The following UMODL1 variants were observed in gnomAD, a reference collection of about 807,000 sequenced individuals.
The protein encoded by UMODL1 is uromodulin like 1, also known as uromodulin-like 1.
Under a neutral mutation model 136.3 loss-of-function variants are expected in UMODL1, and 128 were observed. The observed-to-expected ratio is 0.94, with a 90% CI of 0.81 to 1.09. The LOEUF (loss-of-function observed/expected upper bound fraction) is 1.09. Ranked by LOEUF, UMODL1 falls within the 50% of genes least tolerant of loss-of-function variation. UMODL1 has a pLI of 0.00. For synonymous variants in UMODL1, 721 were observed against 720.0 expected, an observed-to-expected ratio of 1.00 and a Z score of -0.02; for missense variants, 1,766 against 1,725.6, an observed-to-expected ratio of 1.02 and a Z score of -0.41.
At chr21:42,093,394 T>G (rs1006796254) in intron 6 of UMODL1, 6 of 152,714 alleles carry the variant, frequency 3.9e-5, no homozygotes, top group African/African-American at 1.4e-4. Flanking sequence ...ATTTTTAAAT[T>G]TTTTTGTAGA....
chr21:42,072,825 G>A (rs1395921861), intron 1 of UMODL1, among the ~76,000 whole-genome samples: 1 of 152,206 alleles, frequency 6.6e-6, no homozygotes, highest in African/African-American at 2.4e-5. Context: ...CTCTGAGACC[G>A]GAATCCAAGA....
Position 42,123,252 on chromosome 21 carries a change from G to A in UMODL1, c.3147+102G>A, listed in dbSNP as rs962539071. ...AGGGCCAGGCAAGACTCTGCACCCC[G>A]AGGGGAACCCAGCAAGGGGGGTTCA... On this transcript the variant is annotated intron_variant, in intron 17 of 22. Transcript: ENST00000408910. This position sits in a 1 kb window ranked among gnomAD's most constrained non-coding sequence, Gnocchi z 4.4. 5.2e-6 allele frequency: 7 copies of A among 1,349,876 alleles called. No individual in the cohort carries two copies. The highest frequency in any genetic ancestry group is 1.5e-5 in the African/African-American group (1 of 68,658). The allele number at this position is 1,349,876 out of a possible 1,614,324, so 83.6% of individuals were successfully genotyped here.
At chr21:42,125,416 A>G (rs1235516808) in intron 17 of UMODL1, among the ~76,000 whole-genome samples, 2 of 152,094 alleles carry the variant, frequency 1.3e-5, no homozygotes, top group African/African-American at 4.8e-5. Flanking sequence ...CTTGCCTGGG[A>G]GGCACAGCTC....
At chr21:42,088,833 C>T (rs1188194938) in intron 5 of UMODL1, among the ~76,000 whole-genome samples, 2 of 152,124 alleles carry the variant, frequency 1.3e-5, no homozygotes, top group Non-Finnish European at 2.9e-5. Flanking sequence ...ATCCCAGAGC[C>T]ACACACAAAG....
rs577060706 is a variant in UMODL1 at position 42,085,166 on chromosome 21, G to C, written c.482-125G>C. ...TGTGGTAGATGTCTTTTTGCAGGGA[G>C]GTAAATGCAGAGCAGGGCCTCTCAT... is the stretch of plus-strand genomic sequence containing the variant. On this transcript the variant is annotated intron_variant, in intron 3 of 22. Coordinates refer to ENST00000408910, the MANE Select transcript of UMODL1 (RefSeq NM_001004416.3). This position sits in a 1 kb window ranked among gnomAD's most constrained non-coding sequence, Gnocchi z 4.5. 3 of 1,238,758 alleles carry C rather than the reference G, an allele frequency of 2.4e-6. No homozygotes were observed. In the East Asian group the frequency reaches 7.3e-5, roughly 30 times the overall value. The allele number at this position is 1,238,758 out of a possible 1,614,324, so 76.7% of individuals were successfully genotyped here.
At chr21:42,090,750 C>G (rs1343161980) in intron 6 of UMODL1, among the ~76,000 whole-genome samples, 1 of 152,220 alleles carries the variant, frequency 6.6e-6, no homozygotes, top group Admixed American at 6.5e-5. Context: ...TGTTCTCGAA[C>G]AAGTTGTTGG....
chr21:42,068,724 A>T (rs1345517003), upstream of UMODL1, among the ~76,000 whole-genome samples: 3 of 151,474 alleles, frequency 2.0e-5, no homozygotes, highest in Admixed American at 2.0e-4. The surrounding 1 kb of genome is among the most constrained non-coding windows in gnomAD (Gnocchi z 5.5). Context: ...GATGTGGCAT[A>T]TGAGTTTGTG....
chr21:42,131,413 T>A (rs1380082767), intron 21 of UMODL1, among the ~76,000 whole-genome samples: 1 of 118,438 alleles, frequency 8.4e-6, no homozygotes, highest in East Asian at 2.4e-4. Context: ...AGGAGGGAGG[T>A]CTCGGCCATG....
At chr21:42,120,170 C>G (rs980825568) in intron 15 of UMODL1, among the ~76,000 whole-genome samples, 2 of 152,220 alleles carry the variant, frequency 1.3e-5, no homozygotes, top group Non-Finnish European at 2.9e-5. Flanking sequence ...AACAAAAGGT[C>G]TCTTTACTGC....
chr21:42,102,117 AGT>A, intron 7 of UMODL1, 47 bp from the exon 8 acceptor site: 2 of 1,399,090 alleles, frequency 1.4e-6, no homozygotes, highest in South Asian at 2.4e-5. Context: ...TTAACAGACA[AGT>A]GTGTGACTTT....
At chr21:42,111,409 CG>C in intron 11 of UMODL1, 96 bp from the exon 12 acceptor site, 1 of 1,613,426 alleles carries the variant, frequency 6.2e-7, no homozygotes, top group Non-Finnish European at 8.5e-7. Flanking sequence ...GGAACACTAT[CG>C]GGGTGATAGG....
rs143925405 is a variant in UMODL1, at chr21:42,140,507, G to T, written c.*22-1589G>T. On this transcript the variant is annotated intron_variant, in intron 22 of 22. Transcript: ENST00000408910. ...GGATTTCCGTTTGGCTCTGGGGTCA[G>T]CTCTCTTAGCTACCAAGCTTAGAGC... is the stretch of plus-strand genomic sequence containing the variant. Among the ~76,000 whole-genome samples, 93 of 149,318 alleles carry T rather than the reference G, an allele frequency of 6.2e-4. 1 individual carries two copies. The East Asian group carries it at 0.015, about 25-fold the overall frequency.
In UMODL1 at chr21:42,065,542, C is replaced by CTT. The variant is rs56298825; in HGVS notation, c.-141+2340_-141+2341dup. Among the ~76,000 whole-genome samples, 63 of 143,424 alleles carry CTT rather than the reference C, an allele frequency of 4.4e-4. No homozygotes were observed. In the East Asian group the frequency reaches 8.8e-3, roughly 20 times the overall value. 94.1% of individuals were successfully genotyped at this position (143,424 alleles called of 152,430 possible). On this transcript the variant is annotated intron_variant, in intron 1 of 22. Transcript: ENST00000400424. ...GCACCAGATCTCTTTCTTTTTTTTT[C>CTT]TTTTTTTTTTTTTGAGGCGGAGTCT...
intron 1 of UMODL1, among the ~76,000 whole-genome samples, chr21:42,074,970 T>C (rs551389155): frequency 5.3e-5 from 8 of 151,148 alleles, no homozygotes; most frequent in East Asian, 3.9e-4. Flanking sequence ...GGCGCAATCT[T>C]GGCTCACTGC....
chr21:42,108,628 G>A (rs575964807), intron 9 of UMODL1: 14 of 339,400 alleles, frequency 4.1e-5, no homozygotes, highest in Middle Eastern at 1.1e-3. Flanking sequence ...TCCACCCGCA[G>A]CTCTACAGAA....
At chr21:42,136,265 G>C (rs141190431) in intron 21 of UMODL1, among the ~76,000 whole-genome samples, 1 of 152,154 alleles carries the variant, frequency 6.6e-6, no homozygotes, top group East Asian at 1.9e-4. Context: ...ACGACTCAGT[G>C]GTGTTTAGTA....
At chr21:42,093,579 T>C in intron 6 of UMODL1, 1 of 226,866 alleles carries the variant, frequency 4.4e-6, no homozygotes, top group Non-Finnish European at 8.9e-6. Context: ...AGTGGACCAG[T>C]TCCCAGAGCC....
rs1357349145 is a variant in UMODL1 at position 42,119,822 on chromosome 21, A to T, written c.2689+498A>T. On this transcript the variant is annotated intron_variant, in intron 15 of 22. Coordinates refer to ENST00000408910, the MANE Select transcript of UMODL1 (RefSeq NM_001004416.3). Reference sequence around the variant, plus strand: ...TTTTTAAAAATTGGAGATTCATATTAATTTTTTGATTTTTAGAATAAGAAG... The same window carrying T: ...TTTTTAAAAATTGGAGATTCATATTTATTTTTTGATTTTTAGAATAAGAAG... Among the ~76,000 whole-genome samples the T allele has an allele frequency of 7.9e-5, 12 of 152,216 alleles. No individual in the cohort carries two copies. In the East Asian group the frequency reaches 2.3e-3, roughly 29 times the overall value.
At chr21:42,105,934 G>A (rs2066709860) in intron 9 of UMODL1, among the ~76,000 whole-genome samples, 1 of 152,204 alleles carries the variant, frequency 6.6e-6, no homozygotes, top group Non-Finnish European at 1.5e-5. Context: ...CACTCCCCAC[G>A]CTGTTCAGTG....
Sources: allele counts gnomAD v4.1 joint callset (sites outside exome capture counted in the v4.1 genomes callset), GRCh38; gene constraint gnomAD v4.1.1; non-coding constraint Gnocchi (gnomAD v3.1); transcripts MANE v1.5; gene names NCBI Gene and HGNC (gene_info 2026-07-23, HGNC 2026-07-21).